MED6: variants seen among roughly 807,000 people sequenced by gnomAD.
MED6 encodes mediator complex subunit 6, also known as mediator of RNA polymerase II transcription subunit 6.
In MED6, 33 loss-of-function variants were observed where a neutral mutation model predicts 37.5. The observed-to-expected ratio is 0.88, with a 90% CI of 0.67 to 1.18. The LOEUF is 1.18. Among genes scored for constraint, MED6 ranks in the 50% most tolerant of loss-of-function variants. MED6 has a pLI of 0.00. For missense variants in MED6, 235 were observed against 290.6 expected (o/e 0.81, Z 1.39); for synonymous variants, 94 against 93.6 (o/e 1.00, Z -0.02).
chr14:70,590,096 T>C (rs1220739646), intron 6 of MED6, among the ~76,000 whole-genome samples: 1 of 152,252 alleles, frequency 6.6e-6, no homozygotes, highest in Non-Finnish European at 1.5e-5. Context: ...AAATCCAGTA[T>C]GTATACTGCA....
At chr14:70,600,398 C>T (rs1885171564) in intron 1 of MED6, among the ~76,000 whole-genome samples, 1 of 151,710 alleles carries the variant, frequency 6.6e-6, no homozygotes, top group African/African-American at 2.4e-5. Context: ...TTCTTCCAAC[C>T]CCTTCTCTCC....
intron 5 of MED6, 112 bp from the exon 6 acceptor site, chr14:70,591,493 T>C (rs1884869013): frequency 3.9e-6 from 3 of 777,576 alleles, no homozygotes; most frequent in Admixed American, 5.9e-5. Flanking sequence ...TTTTAATGGC[T>C]GCTATACCAA....
rs559828492 is a variant in MED6 at position 70,584,378 on chromosome 14, C to A, written c.*435G>T. 25 of 434,660 alleles carry A rather than the reference C, an allele frequency of 5.8e-5. No homozygotes were observed. The highest frequency in any genetic ancestry group is 8.6e-5 in the Non-Finnish European group (21 of 244,746). The allele number at this position is 434,660 out of a possible 1,614,324, so 26.9% of individuals were successfully genotyped here. ...CAAGAAATCATGATGGGAATAATAT[C>A]TTTTCTTCTTTTTTGAGACAAAGTC... On this transcript the variant is annotated 3_prime_UTR_variant, in exon 8 of 8. Coordinates refer to ENST00000256379, the MANE Select transcript of MED6 (RefSeq NM_005466.4).
intron 1 of MED6, among the ~76,000 whole-genome samples, chr14:70,600,332 T>C (rs1276552971): frequency 2.0e-5 from 3 of 151,930 alleles, no homozygotes; most frequent in Admixed American, 2.0e-4. Context: ...CTAATGTTGT[T>C]GCAGAGATAC....
intron 6 of MED6, among the ~76,000 whole-genome samples, chr14:70,590,696 T>C (rs909635051): frequency 6.6e-6 from 1 of 152,226 alleles, no homozygotes; most frequent in African/African-American, 2.4e-5. Context: ...GCTCATTTAG[T>C]AGAATGGCAG....
chr14:70,595,421 G>A (rs991045455), intron 3 of MED6: 13 of 569,392 alleles, frequency 2.3e-5, no homozygotes, highest in East Asian at 1.1e-4. Flanking sequence ...CTAAGGTGAC[G>A]CTCACGGAGC....
Position 70,592,933 on chromosome 14 carries a change from C to A in MED6, c.413G>T (p.Arg138Leu). 1 of 1,613,802 alleles carries A rather than the reference C, an allele frequency of 6.2e-7. No homozygotes were observed. Among genetic ancestry groups the A allele is most frequent in the Non-Finnish European group, 8.5e-7 (1 of 1,179,854 alleles). Reference sequence around the variant, plus strand: ...CCAATACCCTTTGGAAGGATGATATCGACAGTATGACATAGCTTCATCAAA... The same window carrying A: ...CCAATACCCTTTGGAAGGATGATATAGACAGTATGACATAGCTTCATCAAA... ...SAFDEAMSYC[R>L]YHPSKGYWWH... Residue 138 changes from arginine to leucine, a missense_variant, in exon 5 of 8, where the codon CGA (arginine) becomes CTA (leucine). Physicochemically the swap from Arg to Leu is moderately radical, Grantham distance 102. Transcript: ENST00000256379.
At chr14:70,596,987 G>A (rs910399073) in intron 2 of MED6, among the ~76,000 whole-genome samples, 3 of 152,088 alleles carry the variant, frequency 2.0e-5, no homozygotes. Flanking sequence ...AAGAGTGTCC[G>A]TTTCAAAAAG....
intron 6 of MED6, among the ~76,000 whole-genome samples, chr14:70,586,247 G>A (rs1405609341): frequency 6.6e-6 from 1 of 152,154 alleles, no homozygotes; most frequent in Non-Finnish European, 1.5e-5. Flanking sequence ...GAAATTTGGA[G>A]GGAAAAGAGA....
chr14:70,593,096 A>G (rs1884933058), intron 4 of MED6, 108 bp from the exon 5 acceptor site: 5 of 1,449,938 alleles, frequency 3.4e-6, no homozygotes, highest in Non-Finnish European at 4.7e-6. Context: ...ATTTTTCAGA[A>G]CCTAAATTAC....
intron 3 of MED6, chr14:70,594,641 C>T: frequency 2.3e-6 from 1 of 430,962 alleles, no homozygotes. Context: ...CAGTCAGCAG[C>T]ACGGCCAGCG....
At chr14:70,591,034 C>T (rs17108250) in intron 6 of MED6, among the ~76,000 whole-genome samples, 3,777 of 152,234 alleles carry the variant, frequency 0.025, 156 homozygotes, top group African/African-American at 0.085. Flanking sequence ...ACATGCAGTC[C>T]TCATAGTTTG....
rs932794937 is a variant in MED6, at chr14:70,585,795, T to C, written c.583-12A>G. ...TCTCCAGGCTTTAGCTATAATTTTT[T>C]AGAAAAAAGGGAGGGAGAGGAAGAG... On this transcript the variant is annotated splice_polypyrimidine_tract_variant and intron_variant, in intron 6 of 7. Coordinates refer to ENST00000256379, the MANE Select transcript of MED6 (RefSeq NM_005466.4). The C allele has an allele frequency of 6.2e-7, 1 of 1,600,060 alleles. No individual in the cohort carries two copies. Among genetic ancestry groups the C allele is most frequent in the African/African-American group, 1.4e-5 (1 of 74,052 alleles).
chr14:70,591,492 C>T lies in MED6; in HGVS notation c.467-111G>A, dbSNP rs531850062. 6.0e-5 allele frequency: 47 copies of T among 778,932 alleles called. 1 individual carries two copies. In the South Asian group the frequency reaches 7.1e-4, roughly 12 times the overall value. 48.3% of individuals were successfully genotyped at this position (778,932 alleles called of 1,614,324 possible). ...ACCCAAACTTCATTATTTTTAATGG[C>T]TGCTATACCAAAGATAATTCCCAAA... On this transcript the variant is annotated intron_variant, in intron 5 of 7. Transcript: ENST00000256379.
chr14:70,591,232 T>C (rs1432271759), intron 6 of MED6, 34 bp downstream of exon 6: 2 of 1,487,472 alleles, frequency 1.3e-6, no homozygotes, highest in Non-Finnish European at 1.9e-6. Flanking sequence ...TAAAGAAGTG[T>C]CAAATCAAGA....
intron 1 of MED6, 59 bp from the exon 2 acceptor site, chr14:70,597,836 C>A (rs1885089231): frequency 7.1e-7 from 1 of 1,405,812 alleles, no homozygotes; most frequent in Non-Finnish European, 9.5e-7. Flanking sequence ...TCCAATCCAA[C>A]AAACATTTAT....
intron 4 of MED6, 43 bp downstream of exon 4, chr14:70,593,253 T>C: frequency 6.5e-7 from 1 of 1,528,226 alleles, no homozygotes; most frequent in Non-Finnish European, 9.1e-7. Context: ...AGGTAGCTAA[T>C]TAAAAGTTTT....
chr14:70,594,073 A>G (rs982199008), intron 3 of MED6, among the ~76,000 whole-genome samples: 37 of 152,206 alleles, frequency 2.4e-4, no homozygotes, highest in African/African-American at 8.9e-4. Flanking sequence ...TTCCAGAATC[A>G]CAACTTCTTT....
At position 70,592,996 on chromosome 14, in the gene MED6, A is replaced by C; in HGVS notation, c.358-8T>G. The C allele has an allele frequency of 6.2e-7, 1 of 1,613,134 alleles. No individual in the cohort carries two copies. The highest frequency in any genetic ancestry group is 8.5e-7 in the Non-Finnish European group (1 of 1,179,944). On this transcript the variant is annotated splice_polypyrimidine_tract_variant and splice_region_variant and intron_variant, in intron 4 of 7. Transcript: ENST00000256379. Reference sequence around the variant, plus strand: ...ACCATGCACTGCAGTAAGCTTGTAAAAGGAAAATAAACTCTAAATTTATCA... The same window carrying C: ...ACCATGCACTGCAGTAAGCTTGTAACAGGAAAATAAACTCTAAATTTATCA...
Sources: allele counts gnomAD v4.1 joint callset (sites outside exome capture counted in the v4.1 genomes callset), GRCh38; gene constraint gnomAD v4.1.1; transcripts MANE v1.5; gene names NCBI Gene and HGNC (gene_info 2026-07-23, HGNC 2026-07-21).